Variants in MYO16 observed in about 807,000 individuals in gnomAD.
The protein encoded by MYO16 is unconventional myosin-XVI.
MYO16 carries 94 observed loss-of-function variants against 205.3 expected under a neutral mutation model. The ratio of observed to expected loss-of-function variants is 0.46; its 90% CI spans 0.39 to 0.54. The LOEUF is 0.54. Among genes scored for constraint, MYO16 ranks in the 20% least tolerant of loss-of-function variants. The pLI, the probability that MYO16 is intolerant of heterozygous loss-of-function variation, is 0.00. For missense variants in MYO16, 2,315 were observed against 2,387.5 expected (o/e 0.97, Z 0.63); for synonymous variants, 988 against 954.0 (o/e 1.04, Z -0.66).
At chr13:108,723,358 AATT>A (rs1370242351) in intron 3 of MYO16, among the ~76,000 whole-genome samples, 1 of 151,906 alleles carries the variant, frequency 6.6e-6, no homozygotes, top group Non-Finnish European at 1.5e-5. Flanking sequence ...TTTTTGTTTT[AATT>A]AAATTCAATT....
At chr13:108,822,463 A>AT (rs919413615) in intron 8 of MYO16, among the ~76,000 whole-genome samples, 14 of 152,026 alleles carry the variant, frequency 9.2e-5, no homozygotes, top group African/African-American at 3.4e-4. Flanking sequence ...ATGAATGTTG[A>AT]TTTTTTCCTC....
rs60564701 is a variant in MYO16 at position 108,971,349 on chromosome 13, T to TTATATATATA, written c.2369+6464_2369+6473dup. ...GAATAAAATGGTGTGTGTGTGTTGATTATATATATATATATATATATATAT... is the reference window on the plus strand; with the variant it reads ...GAATAAAATGGTGTGTGTGTGTTGATTATATATATATATATATATATATATATATATATAT... On this transcript the variant is annotated intron_variant, in intron 20 of 34. Coordinates refer to ENST00000457511, the MANE Select transcript of MYO16 (RefSeq NM_001198950.3). Among the ~76,000 whole-genome samples the TTATATATATA allele has an allele frequency of 7.2e-3, 1,035 of 144,202 alleles. 3 individuals are homozygous for TTATATATATA. The highest frequency in any genetic ancestry group is 0.022 in the Middle Eastern group (6 of 274). The allele number at this position is 144,202 out of a possible 152,430, so 94.6% of individuals were successfully genotyped here.
At chr13:108,658,464 T>C (rs890778460) in intron 1 of MYO16, among the ~76,000 whole-genome samples, 2 of 144,128 alleles carry the variant, frequency 1.4e-5, no homozygotes, top group African/African-American at 2.7e-5. Context: ...GTGTGTTTTC[T>C]AAATTCATGT....
intron 19 of MYO16, among the ~76,000 whole-genome samples, chr13:108,963,025 TAGTA>T (rs1369485892): frequency 1.3e-5 from 2 of 152,238 alleles, no homozygotes; most frequent in East Asian, 1.9e-4. Context: ...CTCAAATCAC[TAGTA>T]AGTGACATGT....
chr13:108,850,838 G>T (rs1233952620), intron 10 of MYO16, among the ~76,000 whole-genome samples: 5 of 152,128 alleles, frequency 3.3e-5, no homozygotes, highest in Non-Finnish European at 7.3e-5. Flanking sequence ...CTATAAACAG[G>T]CTAGGGAGTA....
At chr13:108,697,052 A>C (rs1222820235) in intron 2 of MYO16, among the ~76,000 whole-genome samples, 1 of 151,966 alleles carries the variant, frequency 6.6e-6, no homozygotes, top group East Asian at 1.9e-4. Context: ...GTAGTCTGGC[A>C]GGGCAAACTT....
chr13:108,764,762 T>A (rs1413805456), intron 4 of MYO16, among the ~76,000 whole-genome samples: 1 of 152,196 alleles, frequency 6.6e-6, no homozygotes, highest in African/African-American at 2.4e-5. Context: ...TGGTTGACCT[T>A]TAATTATATT....
intron 7 of MYO16, among the ~76,000 whole-genome samples, chr13:108,817,352 A>C (rs189407781): frequency 6.4e-4 from 98 of 152,342 alleles, no homozygotes; most frequent in African/African-American, 2.3e-3. Flanking sequence ...CAATGAAGAG[A>C]GAAAGTGTCA....
chr13:109,150,879 T>G (rs1300705706), intron 32 of MYO16, among the ~76,000 whole-genome samples: 33 of 152,230 alleles, frequency 2.2e-4, no homozygotes, highest in Admixed American at 2.2e-3. Context: ...TCTAAGCCAC[T>G]CAGCAGCTCT....
chr13:108,501,098 A>G, the MYO16 span, among the ~76,000 whole-genome samples: 1 of 152,164 alleles, frequency 6.6e-6, no homozygotes, highest in African/African-American at 2.4e-5. Flanking sequence ...CCCACTTCAT[A>G]GAGGTCCCTC....
chr13:108,690,123 C>G (rs1447621646), intron 2 of MYO16, among the ~76,000 whole-genome samples: 1 of 152,042 alleles, frequency 6.6e-6, no homozygotes, highest in African/African-American at 2.4e-5. Context: ...CTCAGTGATT[C>G]AGAAGGTGGA....
chr13:108,904,619 A>G (rs949853832), intron 15 of MYO16, among the ~76,000 whole-genome samples: 1 of 152,214 alleles, frequency 6.6e-6, no homozygotes, highest in Non-Finnish European at 1.5e-5. Flanking sequence ...GTAACATAAC[A>G]TGCAATAAAG....
chr13:108,800,607 G>A (rs866074509), intron 6 of MYO16, among the ~76,000 whole-genome samples: 2 of 152,140 alleles, frequency 1.3e-5, no homozygotes, highest in African/African-American at 2.4e-5. Flanking sequence ...AAAATCCTGT[G>A]TTAGTGTTAT....
chr13:108,981,132 A>C (rs1355007952), intron 20 of MYO16, among the ~76,000 whole-genome samples: 7 of 152,262 alleles, frequency 4.6e-5, no homozygotes, highest in African/African-American at 1.7e-4. Context: ...TCTTTATTTC[A>C]AATGAAATTG....
At chr13:108,911,034 A>AACACAC (rs113296282) in intron 16 of MYO16, among the ~76,000 whole-genome samples, 3,556 of 138,400 alleles carry the variant, frequency 0.026, 64 homozygotes, top group South Asian at 0.031. Flanking sequence ...TATAGGAGAA[A>AACACAC]ACACACACAC....
At chr13:108,521,573 A>G in the MYO16 span, among the ~76,000 whole-genome samples, 17 of 152,218 alleles carry the variant, frequency 1.1e-4, no homozygotes, top group Admixed American at 1.1e-3. Context: ...AGGTGCCTGC[A>G]TACTACTTAC....
At chr13:108,544,970 G>A in the MYO16 span, among the ~76,000 whole-genome samples, 2 of 151,568 alleles carry the variant, frequency 1.3e-5, no homozygotes, top group Non-Finnish European at 2.9e-5. Context: ...ACTCCATTGT[G>A]TATAAGTACC....
At chr13:108,510,461 G>GTTTTTTGTT in the MYO16 span, among the ~76,000 whole-genome samples, 12 of 45,898 alleles carry the variant, frequency 2.6e-4, 1 homozygote, top group East Asian at 1.0e-3. Flanking sequence ...ATTGATAGCT[G>GTTTTTTGTT]TTTTTTTTTT....
intron 3 of MYO16, among the ~76,000 whole-genome samples, chr13:108,720,665 C>T (rs1351849400): frequency 4.6e-5 from 7 of 152,124 alleles, no homozygotes; most frequent in Non-Finnish European, 1.5e-5. Flanking sequence ...CTGGATGTTT[C>T]CTAGTAATTA....
Sources: allele counts gnomAD v4.1 joint callset (sites outside exome capture counted in the v4.1 genomes callset), GRCh38; gene constraint gnomAD v4.1.1; transcripts MANE v1.5; gene names NCBI Gene and HGNC (gene_info 2026-07-23, HGNC 2026-07-21).